Variants in CFAP61 observed in about 807,000 individuals in gnomAD.
The protein encoded by CFAP61 is cilia and flagella associated protein 61.
In CFAP61, 107 loss-of-function variants were observed where a neutral mutation model predicts 135.6. The observed-to-expected ratio is 0.79, with a 90% CI of 0.67 to 0.93. The LOEUF (loss-of-function observed/expected upper bound fraction) is 0.93. Among genes scored for constraint, CFAP61 ranks in the 40% least tolerant of loss-of-function variants. The pLI, the probability that CFAP61 is intolerant of heterozygous loss-of-function variation, is 0.00. For synonymous variants in CFAP61, 575 were observed against 578.5 expected (o/e 0.99, Z 0.09); for missense variants, 1,507 against 1,556.2 (o/e 0.97, Z 0.53).
intron 17 of CFAP61, among the ~76,000 whole-genome samples, chr20:20,221,509 T>C (rs1235467839): frequency 6.6e-6 from 1 of 152,224 alleles, no homozygotes; most frequent in African/African-American, 2.4e-5. Context: ...CCAATTAAAT[T>C]GTAACACAAC....
In CFAP61 at chr20:20,188,015, T is replaced by G. The variant is rs1318228803; in HGVS notation, c.1471T>G (p.Leu491Val). The change falls in exon 14 of 27, where the codon TTG becomes GTG. Residue 491 changes from leucine (L) to valine (V), a missense_variant. Coordinates refer to ENST00000245957, the MANE Select transcript of CFAP61 (RefSeq NM_015585.4). Reference sequence around the variant, plus strand: ...CACCCTCATGTTGAATAAAAGCATATTGGAGGACTTAGACCGTTACAACAA... The same window carrying G: ...CACCCTCATGTTGAATAAAAGCATAGTGGAGGACTTAGACCGTTACAACAA... ...VSTLMLNKSI[L>V]EDLDRYNKAR... 1 of 1,614,166 alleles carries G rather than the reference T, an allele frequency of 6.2e-7. No individual in the cohort carries two copies. The highest frequency in any genetic ancestry group is 1.3e-5 in the African/African-American group (1 of 75,062).
chr20:20,061,171 A>G (rs1424980723), intron 2 of CFAP61, among the ~76,000 whole-genome samples: 1 of 152,144 alleles, frequency 6.6e-6, no homozygotes, highest in Admixed American at 6.6e-5. Flanking sequence ...AGGTGTAGAG[A>G]TGATAACTTC....
At chr20:20,114,055 G>A (rs1338747480) in intron 8 of CFAP61, among the ~76,000 whole-genome samples, 2 of 150,992 alleles carry the variant, frequency 1.3e-5, no homozygotes, top group Non-Finnish European at 2.9e-5. Flanking sequence ...GATTGCTAGA[G>A]CTGAGGAGTT....
intron 17 of CFAP61, among the ~76,000 whole-genome samples, chr20:20,208,364 C>T (rs1569132330): frequency 6.6e-6 from 1 of 152,152 alleles, no homozygotes; most frequent in Non-Finnish European, 1.5e-5. Context: ...GATCTTAATT[C>T]CATAAAATGT....
At chr20:20,155,649 C>G (rs1232340976) in intron 9 of CFAP61, among the ~76,000 whole-genome samples, 1 of 152,038 alleles carries the variant, frequency 6.6e-6, no homozygotes, top group African/African-American at 2.4e-5. Flanking sequence ...TTACAAACAG[C>G]CAACAAACAT....
chr20:20,319,526 G>A (rs549240751), intron 25 of CFAP61, among the ~76,000 whole-genome samples: 146 of 152,274 alleles, frequency 9.6e-4, no homozygotes, highest in Non-Finnish European at 1.7e-3. Flanking sequence ...TTAAAAGTGC[G>A]TAGCACCTCC....
At chr20:20,095,553 A>T (rs917850044) in intron 7 of CFAP61, 2 of 152,270 alleles carry the variant, frequency 1.3e-5, no homozygotes, top group African/African-American at 4.8e-5. Flanking sequence ...ATCACTTCAT[A>T]CAAGTTCCTT....
intron 25 of CFAP61, among the ~76,000 whole-genome samples, chr20:20,322,039 A>G (rs2057541992): frequency 6.6e-6 from 1 of 152,276 alleles, no homozygotes; most frequent in Admixed American, 6.5e-5. Flanking sequence ...AGGAAGCCCA[A>G]GCCACATGGA....
At chr20:20,084,762 C>T (rs1234552129) in intron 6 of CFAP61, among the ~76,000 whole-genome samples, 6 of 152,142 alleles carry the variant, frequency 3.9e-5, no homozygotes, top group Non-Finnish European at 2.9e-5. Flanking sequence ...TTCCAGGAAG[C>T]CAGTGAGAGC....
chr20:20,055,368 G>C (rs2044229011), intron 1 of CFAP61, among the ~76,000 whole-genome samples: 1 of 152,110 alleles, frequency 6.6e-6, no homozygotes, highest in Admixed American at 6.5e-5. Context: ...TCTACCTAGA[G>C]CTTTGTGTAG....
At chr20:20,298,424 AAT>A in intron 25 of CFAP61, 38 bp downstream of exon 25, 7 of 1,529,390 alleles carry the variant, frequency 4.6e-6, no homozygotes, top group Non-Finnish European at 5.4e-6. Flanking sequence ...GGGAAATACA[AAT>A]ATATATATAA....
chr20:20,115,375 G>T (rs2049067637), intron 8 of CFAP61, among the ~76,000 whole-genome samples: 1 of 148,828 alleles, frequency 6.7e-6, no homozygotes, highest in South Asian at 2.1e-4. Context: ...AATTTCTAAA[G>T]ATCAAATCAG....
chr20:20,300,902 G>A (rs1207448497), intron 25 of CFAP61, among the ~76,000 whole-genome samples: 1 of 152,002 alleles, frequency 6.6e-6, no homozygotes, highest in Non-Finnish European at 1.5e-5. Context: ...CACCGTGCCT[G>A]GCCTTGTGCT....
intron 8 of CFAP61, among the ~76,000 whole-genome samples, chr20:20,125,375 G>C (rs745438378): frequency 2.4e-4 from 37 of 151,702 alleles, no homozygotes; most frequent in Non-Finnish European, 3.8e-4. Flanking sequence ...CTTCCTCTTA[G>C]CACCACCTTT....
chr20:20,299,709 T>C (rs2055926891), intron 25 of CFAP61, among the ~76,000 whole-genome samples: 2 of 152,242 alleles, frequency 1.3e-5, no homozygotes, highest in Admixed American at 1.3e-4. Context: ...TCCAGGATGA[T>C]GTCTGTAGCT....
At chr20:20,308,489 T>C (rs2056614628) in intron 25 of CFAP61, among the ~76,000 whole-genome samples, 1 of 151,980 alleles carries the variant, frequency 6.6e-6, no homozygotes, top group Non-Finnish European at 1.5e-5. Flanking sequence ...GCGGAGCAGG[T>C]AAGCTTTCTG....
chr20:20,162,183 G>C (rs2146804194), intron 10 of CFAP61, among the ~76,000 whole-genome samples: 1 of 152,228 alleles, frequency 6.6e-6, no homozygotes, highest in South Asian at 2.1e-4. Flanking sequence ...CTCTGACTCA[G>C]ACCTGCTGCC....
chr20:20,074,064 C>G (rs1427024571), intron 3 of CFAP61: 1 of 548,314 alleles, frequency 1.8e-6, no homozygotes, highest in East Asian at 3.1e-5. Context: ...GCTCTGGACT[C>G]ATTTACAGTC....
At chr20:20,136,964 G>A (rs377603041) in intron 8 of CFAP61, among the ~76,000 whole-genome samples, 1 of 152,122 alleles carries the variant, frequency 6.6e-6, no homozygotes, top group African/African-American at 2.4e-5. Context: ...TCTGCATTAG[G>A]TGGGTACACA....
Sources: allele counts gnomAD v4.1 joint callset (sites outside exome capture counted in the v4.1 genomes callset), GRCh38; gene constraint gnomAD v4.1.1; transcripts MANE v1.5; gene names NCBI Gene and HGNC (gene_info 2026-07-23, HGNC 2026-07-21).